The following DNHD1 variants were observed in gnomAD, a reference collection of about 807,000 sequenced individuals.
The protein encoded by DNHD1 is dynein heavy chain domain 1.
In DNHD1, 383 loss-of-function variants were observed where a neutral mutation model predicts 458.1. The ratio of observed to expected loss-of-function variants is 0.84; its 90% CI spans 0.77 to 0.91. The LOEUF (loss-of-function observed/expected upper bound fraction) is 0.91. DNHD1 is among the 40% of genes least tolerant of loss of function. The pLI is 0.00. For missense variants in DNHD1, 5,336 were observed against 5,866.1 expected (o/e 0.91, Z 2.95); for synonymous variants, 2,203 against 2,376.9 (o/e 0.93, Z 2.13).
intron 39 of DNHD1, 87 bp from the exon 40 acceptor site, chr11:6,569,922 G>A (rs1026451443): frequency 8.8e-7 from 1 of 1,142,680 alleles, no homozygotes; most frequent in Non-Finnish European, 1.3e-6. Context: ...CGAAGCTCAG[G>A]AGAGAGGTTT....
chr11:6,534,752 A>G (rs899260157), intron 14 of DNHD1, among the ~76,000 whole-genome samples: 2 of 152,124 alleles, frequency 1.3e-5, no homozygotes, highest in Non-Finnish European at 2.9e-5. Context: ...ACCAGAGCAA[A>G]TATAAGAGCC....
chr11:6,541,892 C>A (rs969980510), intron 18 of DNHD1, among the ~76,000 whole-genome samples: 5 of 152,166 alleles, frequency 3.3e-5, no homozygotes, highest in Admixed American at 3.3e-4. Flanking sequence ...AGTGGGTGCA[C>A]TCAAGCTAGG....
chr11:6,516,769 T>C (rs996459455), intron 7 of DNHD1, among the ~76,000 whole-genome samples: 1 of 152,180 alleles, frequency 6.6e-6, no homozygotes, highest in Non-Finnish European at 1.5e-5. Context: ...GTTGAGTGAA[T>C]GAATGACAAG....
chr11:6,557,704 G>A lies in DNHD1; in HGVS notation c.8409G>A (p.Leu2803=). The A allele has an allele frequency of 2.6e-6, 4 of 1,551,718 alleles. No homozygotes were observed. Among genetic ancestry groups the A allele is most frequent in the Non-Finnish European group, 3.5e-6 (4 of 1,147,000 alleles). Reference sequence around the variant, plus strand: ...CCCAGATGGACCTGATCTCACCCTTGTTGTTACCAGTGTTACTACTACATC... The same window carrying A: ...CCCAGATGGACCTGATCTCACCCTTATTGTTACCAGTGTTACTACTACATC... ...KKPQMDLISP[L]LLPVLLLHPQ... Residue 2803 remains leucine (L), a synonymous_variant, in exon 25 of 43, where the codon TTG becomes TTA. Transcript: ENST00000254579.
chr11:6,499,398 C>T (rs1364996880), intron 3 of DNHD1, among the ~76,000 whole-genome samples: 2 of 152,058 alleles, frequency 1.3e-5, no homozygotes, highest in Non-Finnish European at 2.9e-5. Flanking sequence ...AATGTGTGTC[C>T]GAGTGTCCTT....
Position 6,564,423 on chromosome 11 carries a change from C to A in DNHD1, c.10375C>A (p.Arg3459Ser). 6.4e-7 allele frequency: 1 copy of A among 1,551,690 alleles called. No individual in the cohort carries two copies. The highest frequency in any genetic ancestry group is 8.7e-7 in the Non-Finnish European group (1 of 1,146,982). ...CCTGGGTCCCTTCCCACCATTGCGG[C>A]GCCAAGAGCTACTGGACGAGTGGTT... Reference protein sequence around the residue: ...IYLGPFPPLRRQELLDEWLAL... With the variant: ...IYLGPFPPLRSQELLDEWLAL... Residue 3459 changes from arginine (R) to serine (S), a missense_variant, in exon 32 of 43, where the codon CGC (arginine) becomes AGC (serine). Arg to Ser is a moderately radical substitution (Grantham distance 110). Around this residue, in one of 4 missense-constraint regions of DNHD1, gnomAD observed 3,932 missense variants for 4,365.6 expected, o/e 0.90. Transcript: ENST00000254579.
At chr11:6,542,532 G>T (rs991563478) in intron 18 of DNHD1, among the ~76,000 whole-genome samples, 1 of 152,134 alleles carries the variant, frequency 6.6e-6, no homozygotes, top group African/African-American at 2.4e-5. Context: ...CACTTGTGTG[G>T]TTGAGGTTTC....
chr11:6,501,113 T>A (rs1852125004), intron 3 of DNHD1, among the ~76,000 whole-genome samples: 1 of 152,168 alleles, frequency 6.6e-6, no homozygotes, highest in Admixed American at 6.5e-5. Context: ...AATGAAAATG[T>A]TCATTGGATG....
At chr11:6,566,529 C>T (rs773978950) in intron 34 of DNHD1, 58 bp from the exon 35 acceptor site, 1 of 1,592,594 alleles carries the variant, frequency 6.3e-7, no homozygotes, top group Non-Finnish European at 8.6e-7. Context: ...TCCCTGTCTA[C>T]TCTACCCCCT....
intron 39 of DNHD1, among the ~76,000 whole-genome samples, chr11:6,569,455 C>A (rs1250846695): frequency 1.3e-5 from 2 of 151,456 alleles, no homozygotes; most frequent in Non-Finnish European, 2.9e-5. Flanking sequence ...TGCACTCCAG[C>A]CTGGGTGACA....
At chr11:6,543,752 G>T (rs1853148080) in intron 18 of DNHD1, among the ~76,000 whole-genome samples, 1 of 151,952 alleles carries the variant, frequency 6.6e-6, no homozygotes, top group African/African-American at 2.4e-5. Flanking sequence ...CTGAGGTTGG[G>T]AGTTCGAGAC....
Position 6,538,728 on chromosome 11 carries a change from GGA to G in DNHD1, c.3245_3246del (p.Glu1082ValfsTer10), listed in dbSNP as rs1375237066. 1.0e-5 allele frequency: 16 copies of G among 1,549,730 alleles called. No homozygotes were observed. The East Asian group carries it at 3.9e-4, about 38-fold the overall frequency. On this transcript the variant is annotated frameshift_variant, in exon 16 of 43. Coordinates refer to ENST00000254579, the MANE Select transcript of DNHD1 (RefSeq NM_144666.3). The stretch of plus-strand genomic sequence containing the variant: ...TGCAGCACTGCATGCGCATCCTGGG[GGA>G]GTTTCGCAGCTACCTGCCCCTGCTC... Reference protein sequence around the residue: ...VLQHCMRILGEFRSYLPLLTK... With the variant: ...VLQHCMRILGXFRSYLPLLTK...
chr11:6,512,260 A>G (rs2555147), intron 7 of DNHD1, among the ~76,000 whole-genome samples: 39,810 of 119,148 alleles, frequency 0.33, 6,785 homozygotes, highest in Admixed American at 0.45. Context: ...TCGCTCTGTC[A>G]CCCAGGCTGG....
Position 6,529,156 on chromosome 11 carries a change from T to G in DNHD1, c.2347+35T>G, listed in dbSNP as rs1565003889. ...GCTTCTCTTCCCTCTCCTCCTTCCCTTTTCTGTATGTCTATTCACATGGCC... is the reference window on the plus strand; with the variant it reads ...GCTTCTCTTCCCTCTCCTCCTTCCCGTTTCTGTATGTCTATTCACATGGCC... On this transcript the variant is annotated intron_variant, in intron 12 of 42. Coordinates refer to ENST00000254579, the MANE Select transcript of DNHD1 (RefSeq NM_144666.3). The G allele has an allele frequency of 1.9e-6, 3 of 1,547,420 alleles. No individual in the cohort carries two copies. The South Asian group carries it at 3.6e-5, about 18-fold the overall frequency.
At position 6,544,176 on chromosome 11, in the gene DNHD1, C is replaced by A. The variant is rs1233175541; in HGVS notation, c.3684C>A (p.Ile1228=). 1.9e-6 allele frequency: 3 copies of A among 1,551,606 alleles called. No homozygotes were observed. The highest frequency in any genetic ancestry group is 2.6e-6 in the Non-Finnish European group (3 of 1,146,970). ...AAAGTCTTCAGGTGTTGTCCAAGAT[C>A]TTGGCCATCGAAAAGTCAGGAGATT... ...IQESLQVLSK[I]LAIEKSGDLN... Residue 1228 remains isoleucine (I), a synonymous_variant, in exon 19 of 43, where the codon ATC becomes ATA. Transcript: ENST00000254579.
chr11:6,527,948 T>A (rs1166390887), intron 10 of DNHD1, among the ~76,000 whole-genome samples: 1 of 152,220 alleles, frequency 6.6e-6, no homozygotes, highest in African/African-American at 2.4e-5. Flanking sequence ...TCCCAGCAAC[T>A]CCTCTGTTCT....
Position 6,544,557 on chromosome 11 carries a change from T to C in DNHD1, c.3755-17T>C, listed in dbSNP as rs760076581. 4.7e-5 allele frequency: 73 copies of C among 1,546,096 alleles called. No individual in the cohort carries two copies. The highest frequency in any genetic ancestry group is 6.2e-5 in the Non-Finnish European group (71 of 1,142,164). On this transcript the variant is annotated splice_polypyrimidine_tract_variant and intron_variant, in intron 19 of 42. Transcript: ENST00000254579. Reference sequence around the variant, plus strand: ...CCCTAGTGTTTCCCACCAGCATTCCTCTGGCTGCTTACACAGGTGCCCTGC... The same window carrying C: ...CCCTAGTGTTTCCCACCAGCATTCCCCTGGCTGCTTACACAGGTGCCCTGC...
Position 6,519,721 on chromosome 11 carries a change from A to C in DNHD1, c.1514A>C (p.Gln505Pro). 6.2e-7 allele frequency: 1 copy of C among 1,614,230 alleles called. No homozygotes were observed. Among genetic ancestry groups the C allele is most frequent in the Non-Finnish European group, 8.5e-7 (1 of 1,180,038 alleles). Residue 505 changes from glutamine to proline, a missense_variant, in exon 8 of 43, where the codon CAG becomes CCG. Gln to Pro is a moderately conservative substitution (Grantham distance 76, BLOSUM62 -1). Transcript: ENST00000254579. ...AGGGTACAGCACAAGCAACTGGAGC[A>C]GAAGCTGAAGCAAGCAGAGGCCTGG... is the stretch of plus-strand genomic sequence containing the variant. The part of the protein sequence containing the change: ...LQRVQHKQLE[Q>P]KLKQAEAWWL...
chr11:6,551,134 A>G (rs989189192), intron 24 of DNHD1, among the ~76,000 whole-genome samples: 1 of 152,256 alleles, frequency 6.6e-6, no homozygotes, highest in African/African-American at 2.4e-5. Flanking sequence ...CAAAGGATTA[A>G]CATTTTAAAT....
Sources: gnomAD v4.1 joint callset for allele counts (sites outside exome capture counted in the v4.1 genomes callset) on GRCh38, gnomAD v4.1.1 for gene constraint, gnomAD v4.1.1 regional missense constraint, MANE v1.5 for transcripts, NCBI Gene and HGNC (gene_info 2026-07-23, HGNC 2026-07-21) for gene names.